SLC4A5: variants seen among roughly 807,000 people sequenced by gnomAD.
SLC4A5 encodes solute carrier family 4 member 5, also known as electrogenic sodium bicarbonate cotransporter 4.
In SLC4A5, 96 loss-of-function variants were observed where a neutral mutation model predicts 120.4. The ratio of observed to expected loss-of-function variants is 0.80; its 90% CI spans 0.68 to 0.94. SLC4A5 has a LOEUF of 0.94. SLC4A5 is among the 40% of genes least tolerant of loss of function. The pLI is 0.00. For missense variants in SLC4A5, 1,259 were observed against 1,459.5 expected (o/e 0.86, Z 2.24); for synonymous variants, 550 against 571.1 (o/e 0.96, Z 0.53).
chr2:74,226,426 T>C (rs537740598), intron 27 of SLC4A5, among the ~76,000 whole-genome samples: 5 of 152,340 alleles, frequency 3.3e-5, no homozygotes, highest in Admixed American at 6.5e-5. Context: ...TTCAAACTTA[T>C]ACAATATTTG....
intron 7 of SLC4A5, among the ~76,000 whole-genome samples, chr2:74,296,104 C>T (rs1464319514): frequency 6.6e-6 from 1 of 152,182 alleles, no homozygotes; most frequent in East Asian, 1.9e-4. Context: ...ACTCAAGATT[C>T]TCTCCTGGTA....
rs141358728 is a variant in SLC4A5, at chr2:74,300,703, T to C, written c.271+3786A>G. Among the ~76,000 whole-genome samples the C allele has an allele frequency of 3.0e-3, 453 of 152,312 alleles. 3 individuals carry two copies. Among genetic ancestry groups the C allele is most frequent in the African/African-American group, 0.011 (445 of 41,560 alleles). ...TCCATCAACGCACCTCCCACCAATT[T>C]ATGCTTATCTGTTTGTGGGTCTGTC... On this transcript the variant is annotated intron_variant, in intron 7 of 30. Transcript: ENST00000394019.
At chr2:74,305,307 G>A (rs1163773966) in intron 6 of SLC4A5, among the ~76,000 whole-genome samples, 2 of 152,286 alleles carry the variant, frequency 1.3e-5, no homozygotes, top group East Asian at 3.9e-4. Context: ...ATAGGACATT[G>A]CTATCAGTTT....
chr2:74,288,488 T>C (rs922277182), intron 7 of SLC4A5, among the ~76,000 whole-genome samples: 2 of 152,230 alleles, frequency 1.3e-5, no homozygotes, highest in African/African-American at 4.8e-5. Context: ...CGCTCTGAAC[T>C]GAAATGTGAC....
At chr2:74,240,110 A>C (rs1231122982) in intron 20 of SLC4A5, among the ~76,000 whole-genome samples, 1 of 151,312 alleles carries the variant, frequency 6.6e-6, no homozygotes, top group African/African-American at 2.4e-5. Context: ...CAGTGTTCCA[A>C]GCCCCACCCT....
intron 5 of SLC4A5, among the ~76,000 whole-genome samples, chr2:74,327,172 C>A (rs930336523): frequency 3.9e-5 from 6 of 152,146 alleles, no homozygotes; most frequent in African/African-American, 1.4e-4. Context: ...ACATCCATGT[C>A]TCTGGGAAAA....
intron 1 of SLC4A5, among the ~76,000 whole-genome samples, chr2:74,342,742 G>A (rs1156625460): frequency 3.3e-5 from 5 of 152,144 alleles, no homozygotes; most frequent in Non-Finnish European, 7.4e-5. Flanking sequence ...TTCCTCATGC[G>A]TTCCTTCCCT....
chr2:74,309,607 T>A (rs1042350669), intron 6 of SLC4A5, among the ~76,000 whole-genome samples: 1 of 152,148 alleles, frequency 6.6e-6, no homozygotes, highest in South Asian at 2.1e-4. Flanking sequence ...ATAGATCAAG[T>A]TGGGGAGAAC....
chr2:74,237,965 G>A (rs1322915250), intron 21 of SLC4A5, among the ~76,000 whole-genome samples: 4 of 152,030 alleles, frequency 2.6e-5, no homozygotes, highest in African/African-American at 9.7e-5. Context: ...AGCCGGGTGT[G>A]GTGGCAGGCG....
intron 14 of SLC4A5, among the ~76,000 whole-genome samples, chr2:74,253,541 G>C (rs1670862301): frequency 6.6e-6 from 1 of 152,046 alleles, no homozygotes; most frequent in African/African-American, 2.4e-5. Context: ...ACTGTCTCCA[G>C]AGTGTGCTTT....
At chr2:74,218,099 C>T (rs1024757527) in exon 31 of SLC4A5, 6 of 152,144 alleles carry the variant, frequency 3.9e-5, no homozygotes, top group African/African-American at 1.4e-4. Context: ...CCACTGTGCC[C>T]GGCTGGTTCA....
chr2:74,234,348 T>G (rs527770714), intron 22 of SLC4A5, among the ~76,000 whole-genome samples: 8 of 152,014 alleles, frequency 5.3e-5, no homozygotes, highest in Non-Finnish European at 1.0e-4. Context: ...CCGGCTAATT[T>G]TTTAGTATCT....
At position 74,232,893 on chromosome 2, in the gene SLC4A5, G is replaced by C. The variant is rs1390128668; in HGVS notation, c.2596-246C>G. Among the ~76,000 whole-genome samples the C allele has an allele frequency of 2.6e-5, 4 of 152,190 alleles. No homozygotes were observed. In the South Asian group the frequency reaches 8.3e-4, roughly 32 times the overall value. On this transcript the variant is annotated intron_variant, in intron 23 of 30. Coordinates refer to ENST00000394019, the Ensembl canonical transcript of SLC4A5. ...TCAAGCTTGGAGAGGCCCTGGGTTTGGGTCTCTGGGGAGAAGGGCCCAGAA... is the reference window on the plus strand; with the variant it reads ...TCAAGCTTGGAGAGGCCCTGGGTTTCGGTCTCTGGGGAGAAGGGCCCAGAA...
intron 13 of SLC4A5, 41 bp from the exon 14 acceptor site, chr2:74,254,747 A>C (rs1488839047): frequency 3.5e-6 from 5 of 1,422,508 alleles, no homozygotes; most frequent in Non-Finnish European, 4.0e-6. Context: ...AGATTAAGGA[A>C]GAGGAGCATG....
chr2:74,328,625 G>C (rs1411292037), intron 4 of SLC4A5, among the ~76,000 whole-genome samples: 1 of 151,896 alleles, frequency 6.6e-6, no homozygotes, highest in Non-Finnish European at 1.5e-5. Flanking sequence ...GGCCCAGAGA[G>C]GGGCAGTGGC....
At chr2:74,265,810 G>C (rs1189159983) in intron 8 of SLC4A5, among the ~76,000 whole-genome samples, 2 of 152,126 alleles carry the variant, frequency 1.3e-5, no homozygotes, top group African/African-American at 4.8e-5. Flanking sequence ...TGAAAGTTCA[G>C]GTAAAAATTC....
chr2:74,248,293 G>A (rs1573024089), intron 18 of SLC4A5, 60 bp downstream of exon 18: 2 of 1,593,782 alleles, frequency 1.3e-6, no homozygotes, highest in East Asian at 2.2e-5. Flanking sequence ...CCCTGCCCTA[G>A]CCCCAGCATA....
intron 3 of SLC4A5, among the ~76,000 whole-genome samples, chr2:74,334,860 TTAAC>T (rs1362541445): frequency 6.6e-6 from 1 of 152,180 alleles, no homozygotes; most frequent in Non-Finnish European, 1.5e-5. Context: ...ATAGTTAGTA[TTAAC>T]TAATAATATT....
chr2:74,256,354 G>A (rs1406812259), intron 12 of SLC4A5, among the ~76,000 whole-genome samples: 2 of 152,192 alleles, frequency 1.3e-5, no homozygotes, highest in African/African-American at 2.4e-5. Context: ...TGGTAGCTGT[G>A]GGGAGGAGGA....
Sources: gnomAD v4.1 joint callset for allele counts (sites outside exome capture counted in the v4.1 genomes callset) on GRCh38, gnomAD v4.1.1 for gene constraint, MANE v1.5 for transcripts, NCBI Gene and HGNC (gene_info 2026-07-23, HGNC 2026-07-21) for gene names.